The following GOLGA5 variants were observed in gnomAD, a reference collection of about 807,000 sequenced individuals.
GOLGA5 encodes golgin subfamily A member 5.
Under a neutral mutation model 93.5 loss-of-function variants are expected in GOLGA5, and 50 were observed. The observed-to-expected ratio is 0.53, with a 90% CI of 0.43 to 0.68. GOLGA5 has a LOEUF of 0.68. Among genes scored for constraint, GOLGA5 ranks in the 30% least tolerant of loss-of-function variants. GOLGA5 has a pLI of 0.00. For missense variants in GOLGA5, 760 were observed against 856.4 expected (o/e 0.89, Z 1.40); for synonymous variants, 312 against 304.5 (o/e 1.02, Z -0.26).
At chr14:92,803,221 G>C (rs1309611634) in intron 2 of GOLGA5, among the ~76,000 whole-genome samples, 1 of 151,984 alleles carries the variant, frequency 6.6e-6, no homozygotes, top group African/African-American at 2.4e-5. Context: ...ATTTTTTGTA[G>C]AGACAAGGTC....
intron 11 of GOLGA5, among the ~76,000 whole-genome samples, chr14:92,836,371 G>A (rs897661475): frequency 1.3e-5 from 2 of 152,232 alleles, no homozygotes; most frequent in South Asian, 4.1e-4. Flanking sequence ...ATACCAAGAT[G>A]ACTGAAGCCT....
chr14:92,838,132 A>G (rs1885684575), intron 12 of GOLGA5, among the ~76,000 whole-genome samples: 1 of 152,204 alleles, frequency 6.6e-6, no homozygotes, highest in African/African-American at 2.4e-5. Context: ...AAGAGCCTCA[A>G]GATTGATTTA....
chr14:92,800,738 G>A (rs1410995385), intron 2 of GOLGA5, among the ~76,000 whole-genome samples: 1 of 152,198 alleles, frequency 6.6e-6, no homozygotes, highest in African/African-American at 2.4e-5. Flanking sequence ...GCCAATAAAA[G>A]TTGAAAGTGG....
intron 3 of GOLGA5, among the ~76,000 whole-genome samples, chr14:92,808,665 T>TG (rs1399472387): frequency 7.3e-6 from 1 of 137,438 alleles, no homozygotes; most frequent in South Asian, 2.3e-4. Flanking sequence ...GTTTTTGGGT[T>TG]TTTTTTTTTT....
rs200228925 is a variant in GOLGA5, at chr14:92,806,958, A to G, written c.767A>G (p.Gln256Arg). 24 of 1,571,372 alleles carry G rather than the reference A, an allele frequency of 1.5e-5. No individual in the cohort carries two copies. In the East Asian group the frequency reaches 4.7e-4, roughly 31 times the overall value. Residue 256 changes from glutamine (Q) to arginine (R), a missense_variant, in exon 3 of 13, where the codon CAA becomes CGA. Gln to Arg is a conservative substitution (Grantham distance 43). Transcript: ENST00000163416. Reference sequence around the variant, plus strand: ...TTACTCCAAAGATCCAAAGAGACTCAAGAAGGTAGAGGCTTAAATTGTTCA... The same window carrying G: ...TTACTCCAAAGATCCAAAGAGACTCGAGAAGGTAGAGGCTTAAATTGTTCA... Reference protein sequence around the residue: ...ASLLQRSKETQEELNKARARV... With the variant: ...ASLLQRSKETREELNKARARV...
Position 92,809,303 on chromosome 14 carries a change from TAAAC to T in GOLGA5, c.780_783del (p.Asn260LysfsTer19), listed in dbSNP as rs1192933656. On this transcript the variant is annotated frameshift_variant, in exon 4 of 13. Coordinates refer to ENST00000163416, the MANE Select transcript of GOLGA5 (RefSeq NM_005113.4). LOFTEE classifies it high-confidence loss of function. The stretch of plus-strand genomic sequence containing the variant: ...AGAAATTTAAATTTTTTAATAGAAT[TAAAC>T]AAAGCAAGAGCAAGAGTTGAAAAGT... The T allele has an allele frequency of 1.9e-6, 3 of 1,604,748 alleles. No homozygotes were observed. The highest frequency in any genetic ancestry group is 2.6e-6 in the Non-Finnish European group (3 of 1,171,714).
chr14:92,800,313 G>T (rs955718345), intron 2 of GOLGA5, among the ~76,000 whole-genome samples: 1 of 152,130 alleles, frequency 6.6e-6, no homozygotes, highest in East Asian at 1.9e-4. Flanking sequence ...ATTCACAGAG[G>T]GTCTGTATTT....
At chr14:92,838,409 C>A (rs890421231) in intron 12 of GOLGA5, among the ~76,000 whole-genome samples, 2 of 151,794 alleles carry the variant, frequency 1.3e-5, no homozygotes, top group African/African-American at 4.8e-5. Context: ...GCTCTGTCAC[C>A]CAGGCTGGAG....
intron 9 of GOLGA5, among the ~76,000 whole-genome samples, chr14:92,830,474 C>A (rs144710550): frequency 1.6e-4 from 24 of 151,204 alleles, no homozygotes; most frequent in African/African-American, 5.8e-4. Flanking sequence ...CAAGATAATT[C>A]TTCTAGTGTG....
chr14:92,832,499 G>A (rs1364029444), intron 9 of GOLGA5, among the ~76,000 whole-genome samples: 3 of 152,196 alleles, frequency 2.0e-5, no homozygotes, highest in Non-Finnish European at 4.4e-5. Flanking sequence ...TCAACTTTCA[G>A]CCAGAGTCTC....
intron 11 of GOLGA5, among the ~76,000 whole-genome samples, chr14:92,835,907 C>T (rs1034468950): frequency 3.6e-5 from 5 of 139,982 alleles, no homozygotes; most frequent in Non-Finnish European, 6.2e-5. Context: ...CTGCCAATGC[C>T]TACATTTTAT....
chr14:92,819,900 C>T (rs1241407916), intron 8 of GOLGA5, 64 bp downstream of exon 8: 2 of 1,529,550 alleles, frequency 1.3e-6, no homozygotes, highest in Admixed American at 3.8e-5. Context: ...AGCAGACCTC[C>T]CAGGAAAGCA....
chr14:92,795,264 G>A (rs1884700973), intron 1 of GOLGA5, among the ~76,000 whole-genome samples: 1 of 152,178 alleles, frequency 6.6e-6, no homozygotes, highest in African/African-American at 2.4e-5. Flanking sequence ...ATGTTACAGA[G>A]CATTTCATCT....
At chr14:92,796,579 C>A (rs979451400) in intron 1 of GOLGA5, among the ~76,000 whole-genome samples, 1 of 152,092 alleles carries the variant, frequency 6.6e-6, no homozygotes. Flanking sequence ...GAGATCCTAT[C>A]TCCAAAAACA....
chr14:92,806,948 A>G lies in GOLGA5; in HGVS notation c.757A>G (p.Lys253Glu), dbSNP rs1444495349. ...AATGGCCTCGTTACTCCAAAGATCC[A>G]AAGAGACTCAAGAAGGTAGAGGCTT... ...QEMASLLQRSKETQEELNKAR... is the reference protein window; with the variant it reads ...QEMASLLQRSEETQEELNKAR... Residue 253 changes from lysine (K) to glutamate (E), a missense_variant, in exon 3 of 13, where the codon AAA becomes GAA. Physicochemically the swap from Lys to Glu is moderately conservative, Grantham distance 56. Transcript: ENST00000163416. 1.3e-6 allele frequency: 2 copies of G among 1,592,822 alleles called. No individual in the cohort carries two copies. The highest frequency in any genetic ancestry group is 1.7e-6 in the Non-Finnish European group (2 of 1,160,460).
At chr14:92,820,084 A>G (rs1885285389) in intron 8 of GOLGA5, among the ~76,000 whole-genome samples, 1 of 152,194 alleles carries the variant, frequency 6.6e-6, no homozygotes, top group Non-Finnish European at 1.5e-5. Flanking sequence ...GAGAAAGAAC[A>G]GTGGGCCCAG....
At chr14:92,818,586 T>C (rs2140325716) in intron 7 of GOLGA5, among the ~76,000 whole-genome samples, 1 of 152,264 alleles carries the variant, frequency 6.6e-6, no homozygotes, top group African/African-American at 2.4e-5. Flanking sequence ...TAGGGAAAAA[T>C]AGTTGTCATT....
At chr14:92,801,665 C>G (rs1884873808) in intron 2 of GOLGA5, among the ~76,000 whole-genome samples, 1 of 151,380 alleles carries the variant, frequency 6.6e-6, no homozygotes, top group South Asian at 2.1e-4. Context: ...TCTTTCCTTA[C>G]ACTGAGATCA....
chr14:92,827,727 T>C (rs541310869), intron 9 of GOLGA5, among the ~76,000 whole-genome samples: 1 of 152,162 alleles, frequency 6.6e-6, no homozygotes, highest in Non-Finnish European at 1.5e-5. Context: ...CAGCCAAGTT[T>C]TAAATGCAAA....
Sources: gnomAD v4.1 joint callset for allele counts (sites outside exome capture counted in the v4.1 genomes callset) on GRCh38, gnomAD v4.1.1 for gene constraint, MANE v1.5 for transcripts, NCBI Gene and HGNC (gene_info 2026-07-23, HGNC 2026-07-21) for gene names.